SCAPER: variants seen among roughly 807,000 people sequenced by gnomAD.
SCAPER encodes the protein S-phase cyclin A associated protein in the ER.
Under a neutral mutation model 182.2 loss-of-function variants are expected in SCAPER, and 98 were observed. The ratio of observed to expected loss-of-function variants is 0.54; its 90% CI spans 0.46 to 0.64. The LOEUF (loss-of-function observed/expected upper bound fraction) is 0.64, where lower values mean the gene tolerates loss of function less well. Ranked by LOEUF, SCAPER falls within the 30% of genes least tolerant of loss-of-function variation. The probability of loss-of-function intolerance (pLI) is 0.00; values close to 1 mark genes in which losing one functional copy is unlikely to be tolerated. For missense variants in SCAPER, 1,432 were observed against 1,690.0 expected, an observed-to-expected ratio of 0.85 and a Z score of 2.68; for synonymous variants, 605 against 564.6, an observed-to-expected ratio of 1.07 and a Z score of -1.01.
At chr15:76,773,894 C>T (rs561657259) in intron 9 of SCAPER, among the ~76,000 whole-genome samples, 2 of 151,924 alleles carry the variant, frequency 1.3e-5, no homozygotes, top group African/African-American at 2.4e-5. Context: ...TTTCATTAGT[C>T]ATTTTACATA....
intron 27 of SCAPER, among the ~76,000 whole-genome samples, chr15:76,382,145 G>A (rs1008750178): frequency 6.6e-6 from 1 of 152,114 alleles, no homozygotes; most frequent in Non-Finnish European, 1.5e-5. Context: ...GTACAGGCAG[G>A]ACAGGTTGTA....
At chr15:76,871,227 G>T (rs1595855894) in intron 2 of SCAPER, among the ~76,000 whole-genome samples, 1 of 151,906 alleles carries the variant, frequency 6.6e-6, no homozygotes, top group East Asian at 1.9e-4. Context: ...GGCTAACATG[G>T]TGAAACCCTG....
intron 21 of SCAPER, among the ~76,000 whole-genome samples, chr15:76,655,632 G>A (rs1422944608): frequency 6.6e-6 from 1 of 152,152 alleles, no homozygotes; most frequent in East Asian, 1.9e-4. Context: ...AATTATCCAT[G>A]ATGAACATGC....
At chr15:76,708,184 T>C (rs1445577628) in intron 17 of SCAPER, among the ~76,000 whole-genome samples, 1 of 152,178 alleles carries the variant, frequency 6.6e-6, no homozygotes, top group Non-Finnish European at 1.5e-5. Flanking sequence ...AGATTACTTA[T>C]AATACCTAAT....
intron 22 of SCAPER, among the ~76,000 whole-genome samples, chr15:76,609,362 G>A (rs1169332065): frequency 6.6e-6 from 1 of 151,634 alleles, no homozygotes; most frequent in Non-Finnish European, 1.5e-5. Flanking sequence ...GGTGGCGTGT[G>A]CCTGTAGTCC....
intron 23 of SCAPER, among the ~76,000 whole-genome samples, chr15:76,531,786 T>C (rs948005032): frequency 6.6e-5 from 10 of 152,168 alleles, no homozygotes; most frequent in Admixed American, 3.3e-4. Context: ...TTGAGCATCC[T>C]ATGGAGAGTT....
intron 22 of SCAPER, among the ~76,000 whole-genome samples, chr15:76,590,828 C>G (rs573706005): frequency 6.6e-6 from 1 of 152,152 alleles, no homozygotes; most frequent in Non-Finnish European, 1.5e-5. Flanking sequence ...AAATGTGATA[C>G]ATACACACAA....
intron 24 of SCAPER, among the ~76,000 whole-genome samples, chr15:76,492,827 G>A (rs2052452361): frequency 1.3e-5 from 2 of 149,444 alleles, no homozygotes; most frequent in South Asian, 4.3e-4. Flanking sequence ...TGACATTTTC[G>A]TGACCACAGA....
At chr15:76,823,488 TTAAAA>T (rs1408713585) in intron 5 of SCAPER, among the ~76,000 whole-genome samples, 1 of 149,704 alleles carries the variant, frequency 6.7e-6, no homozygotes, top group Non-Finnish European at 1.5e-5. Flanking sequence ...AATAAATAAA[TTAAAA>T]TAAAAATACA....
intron 27 of SCAPER, among the ~76,000 whole-genome samples, chr15:76,384,327 T>C (rs1238769867): frequency 6.6e-6 from 1 of 152,238 alleles, no homozygotes; most frequent in African/African-American, 2.4e-5. Flanking sequence ...ATCAGCATAT[T>C]CTAATACAGA....
chr15:76,659,805 G>A (rs533447573), intron 21 of SCAPER, among the ~76,000 whole-genome samples: 3 of 152,296 alleles, frequency 2.0e-5, no homozygotes, highest in African/African-American at 7.2e-5. Flanking sequence ...TGGTGGGAAT[G>A]TAAATTATTC....
intron 7 of SCAPER, among the ~76,000 whole-genome samples, chr15:76,799,267 C>T (rs1301553554): frequency 6.7e-6 from 1 of 150,342 alleles, no homozygotes; most frequent in Non-Finnish European, 1.5e-5. Context: ...GTCCTAAAAG[C>T]TAAACTATAA....
At chr15:76,762,382 C>G (rs999606320) in intron 14 of SCAPER, among the ~76,000 whole-genome samples, 1 of 57,004 alleles carries the variant, frequency 1.8e-5, no homozygotes, top group Non-Finnish European at 4.1e-5. Context: ...TTTTTTTTTT[C>G]TAATGGTTTG....
intron 23 of SCAPER, among the ~76,000 whole-genome samples, chr15:76,570,263 C>T (rs1428936445): frequency 6.6e-6 from 1 of 152,130 alleles, no homozygotes; most frequent in Admixed American, 6.5e-5. Context: ...AGATCCCAAA[C>T]CAAAACATGA....
intron 11 of SCAPER, 47 bp from the exon 12 acceptor site, chr15:76,765,685 T>C: frequency 1.4e-6 from 2 of 1,415,830 alleles, no homozygotes; most frequent in South Asian, 1.2e-5. Context: ...TGAACACAAT[T>C]ACAACTTTAG....
chr15:76,554,699 C>T (rs2145023184), intron 23 of SCAPER, among the ~76,000 whole-genome samples: 1 of 150,946 alleles, frequency 6.6e-6, no homozygotes, highest in Middle Eastern at 3.5e-3. Context: ...GGTAAGGCCA[C>T]TTACAAAGGG....
chr15:76,836,236 G>A (rs2068940397), intron 5 of SCAPER, among the ~76,000 whole-genome samples: 1 of 151,966 alleles, frequency 6.6e-6, no homozygotes, highest in African/African-American at 2.4e-5. Flanking sequence ...AACCTCATGT[G>A]GAACCAAAAA....
chr15:76,497,808 T>C (rs66986092), intron 24 of SCAPER, among the ~76,000 whole-genome samples: 59,979 of 151,102 alleles, frequency 0.4, 14,061 homozygotes, highest in Middle Eastern at 0.54. Context: ...CTGACCAACA[T>C]GGTGAAACCC....
At chr15:76,570,001 T>C (rs1382058954) in intron 23 of SCAPER, among the ~76,000 whole-genome samples, 1 of 152,198 alleles carries the variant, frequency 6.6e-6, no homozygotes, top group Non-Finnish European at 1.5e-5. Context: ...CTTAATTACC[T>C]TACTGTGCCA....
Sources: allele counts gnomAD v4.1 joint callset (sites outside exome capture counted in the v4.1 genomes callset), GRCh38; gene constraint gnomAD v4.1.1; transcripts MANE v1.5; gene names NCBI Gene and HGNC (gene_info 2026-07-23, HGNC 2026-07-21).